Variants in MYO10 observed in about 807,000 individuals in gnomAD.
MYO10 encodes myosin X.
Under a neutral mutation model 257.3 loss-of-function variants are expected in MYO10, and 133 were observed. That is an observed-to-expected ratio of 0.52 (90% CI 0.45 to 0.60). MYO10 has a LOEUF of 0.60. Ranked by LOEUF, MYO10 falls within the 20% of genes least tolerant of loss-of-function variation. MYO10 has a pLI of 0.00. For missense variants in MYO10, 2,399 were observed against 2,635.7 expected, an observed-to-expected ratio of 0.91 and a Z score of 1.97; for synonymous variants, 1,104 against 1,028.6, an observed-to-expected ratio of 1.07 and a Z score of -1.40.
At chr5:16,894,239 T>C (rs1745158135) in intron 1 of MYO10, among the ~76,000 whole-genome samples, 1 of 152,142 alleles carries the variant, frequency 6.6e-6, no homozygotes, top group Non-Finnish European at 1.5e-5. Context: ...TTCTGGGACA[T>C]TGGATGTAAT....
At chr5:16,815,566 T>C (rs550013895) in intron 3 of MYO10, 13 of 654,274 alleles carry the variant, frequency 2.0e-5, no homozygotes, top group South Asian at 1.0e-4. Context: ...TAAACATTTA[T>C]TGCACAACTA....
At chr5:16,914,990 A>G (rs1438567995) in intron 1 of MYO10, among the ~76,000 whole-genome samples, 3 of 152,234 alleles carry the variant, frequency 2.0e-5, no homozygotes, top group Non-Finnish European at 4.4e-5. Flanking sequence ...GAAATGCCAA[A>G]GTCACCAGCA....
At chr5:16,875,412 G>T (rs1744573235) in intron 2 of MYO10, among the ~76,000 whole-genome samples, 1 of 152,104 alleles carries the variant, frequency 6.6e-6, no homozygotes, top group African/African-American at 2.4e-5. Flanking sequence ...TGATACTAAA[G>T]TTGAGCAAAA....
intron 2 of MYO10, among the ~76,000 whole-genome samples, chr5:16,845,349 T>C (rs1278612909): frequency 1.3e-5 from 2 of 152,278 alleles, no homozygotes; most frequent in Middle Eastern, 3.4e-3. Flanking sequence ...GATTATGTCC[T>C]TCCCATTTTC....
chr5:16,745,562 G>A (rs1740168955), intron 19 of MYO10, among the ~76,000 whole-genome samples: 1 of 151,968 alleles, frequency 6.6e-6, no homozygotes, highest in Admixed American at 6.6e-5. Context: ...GGTGGTGTAT[G>A]CCTGTACTCC....
At chr5:16,896,583 G>C (rs1163201611) in intron 1 of MYO10, among the ~76,000 whole-genome samples, 7 of 151,912 alleles carry the variant, frequency 4.6e-5, no homozygotes, top group Non-Finnish European at 8.8e-5. Context: ...ACAAAGCAAG[G>C]CTCCATCTCA....
At chr5:16,679,524 G>GTTTTT (rs33919452) in intron 33 of MYO10, among the ~76,000 whole-genome samples, 53 of 122,648 alleles carry the variant, frequency 4.3e-4, no homozygotes, top group African/African-American at 1.5e-3. Flanking sequence ...TTTTTTGGGT[G>GTTTTT]TTTTTTTTTT....
chr5:16,719,597 G>C (rs546981681), intron 19 of MYO10, among the ~76,000 whole-genome samples: 1 of 152,288 alleles, frequency 6.6e-6, no homozygotes, highest in South Asian at 2.1e-4. Context: ...ATTTACTCAA[G>C]GTCTAAAACT....
At chr5:16,844,141 T>C (rs1384887868) in intron 2 of MYO10, among the ~76,000 whole-genome samples, 2 of 152,228 alleles carry the variant, frequency 1.3e-5, no homozygotes, top group Non-Finnish European at 2.9e-5. Context: ...GTTTCATTTT[T>C]CCATTCATTG....
At position 16,662,034 on chromosome 5, in the gene MYO10, C is replaced by T. The variant is rs1736003858; in HGVS notation, c.*4658G>A. ...AAACAGCAATGCCAAACCTTGAATC[C>T]AGGTCCGATATTTTCCAGCAATCGT... On this transcript the variant is annotated 3_prime_UTR_variant, in exon 41 of 41. Coordinates refer to ENST00000513610, the MANE Select transcript of MYO10 (RefSeq NM_012334.3). 6.6e-6 allele frequency: 1 copy of T among 152,152 alleles called. No individual in the cohort carries two copies. Among genetic ancestry groups the T allele is most frequent in the Non-Finnish European group, 1.5e-5 (1 of 68,030 alleles). The allele number at this position is 152,152 out of a possible 1,614,324, so 9.4% of individuals were successfully genotyped here.
chr5:16,674,169 A>G (rs1579796484), intron 35 of MYO10, among the ~76,000 whole-genome samples: 2 of 152,296 alleles, frequency 1.3e-5, no homozygotes, highest in East Asian at 1.9e-4. Flanking sequence ...GCCTCATCCT[A>G]TCATATGAAA....
At chr5:16,794,536 G>C in intron 4 of MYO10, 110 bp downstream of exon 4, 1 of 1,042,608 alleles carries the variant, frequency 9.6e-7, no homozygotes, top group Non-Finnish European at 1.3e-6. Context: ...GAGAAACTCA[G>C]GCGGTTGTAA....
Position 16,674,886 on chromosome 5 carries a change from C to A in MYO10, c.4931G>T (p.Gly1644Val). The A allele has an allele frequency of 2.5e-6, 4 of 1,613,948 alleles. No individual in the cohort carries two copies. Among genetic ancestry groups the A allele is most frequent in the Non-Finnish European group, 3.4e-6 (4 of 1,179,896 alleles). The change falls in exon 35 of 41, where the codon GGG (glycine) becomes GTG (valine). Residue 1644 changes from glycine to valine, a missense_variant. Around this residue, in one of 3 missense-constraint regions of MYO10, gnomAD observed 1,820 missense variants for 1,939.4 expected, o/e 0.94. Coordinates refer to ENST00000513610, the MANE Select transcript of MYO10 (RefSeq NM_012334.3). Reference sequence around the variant, plus strand: ...ATGGAACTTGAGATACTTGAGAATCCCTCGACTCGGCAGGAAGGTGCAGCT... The same window carrying A: ...ATGGAACTTGAGATACTTGAGAATCACTCGACTCGGCAGGAAGGTGCAGCT... Reference protein sequence around the residue: ...CLSCTFLPSRGILKYLKFHLK... With the variant: ...CLSCTFLPSRVILKYLKFHLK...
intron 19 of MYO10, among the ~76,000 whole-genome samples, chr5:16,731,139 G>A (rs1262929864): frequency 6.7e-6 from 1 of 150,168 alleles, no homozygotes; most frequent in African/African-American, 2.5e-5. Flanking sequence ...TCCACCCCCT[G>A]GGTTCAAGCA....
In MYO10 at chr5:16,877,650, A is replaced by C. The variant is rs778933050; in HGVS notation, c.79T>G (p.Cys27Gly). The C allele has an allele frequency of 1.9e-6, 3 of 1,613,932 alleles. No homozygotes were observed. The highest frequency in any genetic ancestry group is 1.7e-6 in the Non-Finnish European group (2 of 1,179,878). The change falls in exon 2 of 41, where the codon TGT becomes GGT. Residue 27 changes from cysteine (C) to glycine (G), a missense_variant. By Grantham distance (159) the Cys-to-Gly change is radical. Around this residue, in one of 3 missense-constraint regions of MYO10, gnomAD observed 242 missense variants for 249.5 expected, o/e 0.97. Transcript: ENST00000513610. ...GQHFPSTVNS[C>G]AEGIVVFRTD... Reference sequence around the variant, plus strand: ...CGGAAGACGACGATGCCTTCTGCACAGGAATTTACAGTACTTGGAAAATGC... The same window carrying C: ...CGGAAGACGACGATGCCTTCTGCACCGGAATTTACAGTACTTGGAAAATGC...
chr5:16,851,286 C>G (rs1234469863), intron 2 of MYO10, among the ~76,000 whole-genome samples: 1 of 152,160 alleles, frequency 6.6e-6, no homozygotes, highest in East Asian at 1.9e-4. Context: ...AGTTATACTT[C>G]AACCCAGAGC....
Position 16,676,012 on chromosome 5 carries a change from G to T in MYO10, c.4666+19C>A. On this transcript the variant is annotated intron_variant, in intron 34 of 40. Coordinates refer to ENST00000513610, the MANE Select transcript of MYO10 (RefSeq NM_012334.3). The stretch of plus-strand genomic sequence containing the variant: ...GGAATCATGGTCTCTGAGGAGTCGG[G>T]GTGGAGCTCTGGACTTACAGTTGAG... 6.3e-7 allele frequency: 1 copy of T among 1,599,572 alleles called. No homozygotes were observed.
intron 1 of MYO10, among the ~76,000 whole-genome samples, chr5:16,883,179 T>G (rs929252812): frequency 2.6e-5 from 4 of 152,128 alleles, no homozygotes; most frequent in African/African-American, 9.7e-5. Flanking sequence ...CCTCCCAAAG[T>G]GCTGGGATTA....
rs940189707 is a variant in MYO10, at chr5:16,663,624, T to G, written c.*3068A>C. Reference sequence around the variant, plus strand: ...TGGGAGGCTGAGGTGGAGGACTGCTTGAGCCCAGGAGGTTGAGGCTGCAAT... The same window carrying G: ...TGGGAGGCTGAGGTGGAGGACTGCTGGAGCCCAGGAGGTTGAGGCTGCAAT... On this transcript the variant is annotated 3_prime_UTR_variant, in exon 41 of 41. Coordinates refer to ENST00000513610, the MANE Select transcript of MYO10 (RefSeq NM_012334.3). The G allele has an allele frequency of 1.3e-5, 2 of 151,988 alleles. No homozygotes were observed. The highest frequency in any genetic ancestry group is 4.8e-5 in the African/African-American group (2 of 41,364). The allele number at this position is 151,988 out of a possible 1,614,324, so 9.4% of individuals were successfully genotyped here. A position where few individuals can be genotyped will look rare whatever the true frequency, so the allele number is the denominator to read the frequency against.
Sources: gnomAD v4.1 joint callset for allele counts (sites outside exome capture counted in the v4.1 genomes callset) on GRCh38, gnomAD v4.1.1 for gene constraint, gnomAD v4.1.1 regional missense constraint, MANE v1.5 for transcripts, NCBI Gene and HGNC (gene_info 2026-07-23, HGNC 2026-07-21) for gene names.